The following MAPK9 variants were observed in gnomAD, a reference collection of about 807,000 sequenced individuals.
MAPK9 encodes mitogen-activated protein kinase 9.
MAPK9 carries 30 observed loss-of-function variants against 57.1 expected under a neutral mutation model. That is an observed-to-expected ratio of 0.53 (90% CI 0.39 to 0.71). The LOEUF is 0.71. Ranked by LOEUF, MAPK9 falls within the 30% of genes least tolerant of loss-of-function variation. The pLI is 0.00. For missense variants in MAPK9, 362 were observed against 521.0 expected (o/e 0.69, Z 2.97); for synonymous variants, 155 against 177.0 (o/e 0.88, Z 0.99).
chr5:180,254,327 G>A (rs1759039841), intron 5 of MAPK9, among the ~76,000 whole-genome samples: 1 of 152,164 alleles, frequency 6.6e-6, no homozygotes, highest in South Asian at 2.1e-4. Context: ...GCGTGTGACA[G>A]GGAGGGACCT....
At chr5:180,257,113 T>G (rs1759369035) in intron 5 of MAPK9, among the ~76,000 whole-genome samples, 1 of 152,170 alleles carries the variant, frequency 6.6e-6, no homozygotes, top group African/African-American at 2.4e-5. Context: ...TAAAAAACAG[T>G]ACACTAGATG....
chr5:180,261,950 G>A, intron 4 of MAPK9, 128 bp from the exon 5 acceptor site: 2 of 687,266 alleles, frequency 2.9e-6, no homozygotes, highest in Non-Finnish European at 4.4e-6. Context: ...TTGGTATAAT[G>A]GAACTTTCTA....
In MAPK9 at chr5:180,284,782, TACA is replaced by T. The variant is rs1032512042; in HGVS notation, c.-47-4177_-47-4175del. Reference sequence around the variant, plus strand: ...GACTGAATAAATTATGGCACAGAAGTACAACAAGGCCATTCAACAGAATGCAAG... The same window carrying T: ...GACTGAATAAATTATGGCACAGAAGTACAAGGCCATTCAACAGAATGCAAG... On this transcript the variant is annotated intron_variant, in intron 1 of 11. Transcript: ENST00000452135. Among the ~76,000 whole-genome samples, 5 of 152,138 alleles carry T rather than the reference TACA, an allele frequency of 3.3e-5. No homozygotes were observed. The South Asian group carries it at 6.2e-4, about 19-fold the overall frequency.
intron 5 of MAPK9, among the ~76,000 whole-genome samples, chr5:180,253,829 G>A (rs931789213): frequency 6.6e-6 from 1 of 152,178 alleles, no homozygotes; most frequent in South Asian, 2.1e-4. Context: ...CTTTTCCAGA[G>A]AAATTAAATG....
chr5:180,291,062 G>A (rs1222342983), intron 1 of MAPK9, among the ~76,000 whole-genome samples: 4 of 152,216 alleles, frequency 2.6e-5, no homozygotes, highest in Non-Finnish European at 5.9e-5. Flanking sequence ...CTGACCAGAG[G>A]AAGGAGCAGA....
intron 3 of MAPK9, among the ~76,000 whole-genome samples, chr5:180,268,155 T>C (rs1157539236): frequency 1.3e-5 from 2 of 152,150 alleles, no homozygotes; most frequent in Non-Finnish European, 2.9e-5. Context: ...ATGGCAACGT[T>C]ATCAACATAA....
rs1757067183 is a variant in MAPK9 at position 180,234,758 on chromosome 5, A to AT, written c.*1625_*1626insA. On this transcript the variant is annotated 3_prime_UTR_variant, in exon 12 of 12. Transcript: ENST00000452135. Reference sequence around the variant, plus strand: ...TGTCCAAATGACACAATATAAAAGAACTATTTCTTATTTCAATATTAATTT... The same window carrying AT: ...TGTCCAAATGACACAATATAAAAGAATCTATTTCTTATTTCAATATTAATTT... 6.6e-6 allele frequency: 1 copy of AT among 152,216 alleles called. No homozygotes were observed. The highest frequency in any genetic ancestry group is 6.5e-5 in the Admixed American group (1 of 15,286). 9.4% of individuals were successfully genotyped at this position (152,216 alleles called of 1,614,324 possible). A position where few individuals can be genotyped will look rare whatever the true frequency, so the allele number is the denominator to read the frequency against.
intron 1 of MAPK9, among the ~76,000 whole-genome samples, chr5:180,286,510 C>T (rs753471964): frequency 6.6e-6 from 1 of 151,776 alleles, no homozygotes; most frequent in East Asian, 2.0e-4. Context: ...TAATCAAGAA[C>T]CTTGCAGCTC....
chr5:180,242,554 G>GAAA lies in MAPK9; in HGVS notation c.871+16_871+18dup, dbSNP rs755516642. 6.3e-7 allele frequency: 1 copy of GAAA among 1,592,430 alleles called. No individual in the cohort carries two copies. The highest frequency in any genetic ancestry group is 8.6e-7 in the Non-Finnish European group (1 of 1,165,604). ...CCTGAATTACAAAACACAAGTATAA[G>GAAA]AAAAAAAGGATATCTTACTTTTTAT... On this transcript the variant is annotated intron_variant, in intron 8 of 11. Coordinates refer to ENST00000452135, the MANE Select transcript of MAPK9 (RefSeq NM_002752.5).
intron 5 of MAPK9, chr5:180,258,145 T>C (rs996346541): frequency 6.6e-6 from 1 of 152,232 alleles, no homozygotes; most frequent in Admixed American, 6.5e-5. Flanking sequence ...ACCCTGTGAA[T>C]GGAAGAAAGG....
chr5:180,248,545 C>T (rs1156612690), intron 6 of MAPK9, among the ~76,000 whole-genome samples: 1 of 152,166 alleles, frequency 6.6e-6, no homozygotes, highest in Admixed American at 6.5e-5. Flanking sequence ...ATTCTATTTA[C>T]ATCAAATTCA....
chr5:180,250,556 G>A (rs1758566168), intron 5 of MAPK9, among the ~76,000 whole-genome samples: 1 of 152,134 alleles, frequency 6.6e-6, no homozygotes, highest in African/African-American at 2.4e-5. Flanking sequence ...CCCAACTGAT[G>A]GGCCACAAGG....
intron 1 of MAPK9, among the ~76,000 whole-genome samples, chr5:180,291,207 G>A (rs1175121028): frequency 2.0e-5 from 3 of 152,116 alleles, no homozygotes; most frequent in Non-Finnish European, 4.4e-5. Context: ...AGTCTTCTGG[G>A]GGAGGGGCGC....
At position 180,247,841 on chromosome 5, in the gene MAPK9, C is replaced by T; in HGVS notation, c.617-331G>A. On this transcript the variant is annotated intron_variant, in intron 6 of 11. Coordinates refer to ENST00000452135, the MANE Select transcript of MAPK9 (RefSeq NM_002752.5). This position sits in a 1 kb window ranked among gnomAD's most constrained non-coding sequence, Gnocchi z 4.5. ...GCCTCCATGGCCAAGTACCGGGTCC[C>T]CTGTGAAGGATACAGTCTCTTCCCG... 1 of 1,613,998 alleles carries T rather than the reference C, an allele frequency of 6.2e-7. No homozygotes were observed.
chr5:180,279,185 T>C (rs1269177605), intron 2 of MAPK9, among the ~76,000 whole-genome samples: 1 of 152,166 alleles, frequency 6.6e-6, no homozygotes, highest in Non-Finnish European at 1.5e-5. Flanking sequence ...CTCGATCTCT[T>C]GACCTCGTGA....
chr5:180,273,082 G>A (rs528588283), intron 2 of MAPK9, among the ~76,000 whole-genome samples: 2 of 152,280 alleles, frequency 1.3e-5, no homozygotes, highest in East Asian at 1.9e-4. Flanking sequence ...TAACCATTCT[G>A]CTGAGTGTGG....
At chr5:180,252,180 T>C (rs1174362130) in intron 5 of MAPK9, among the ~76,000 whole-genome samples, 1 of 152,080 alleles carries the variant, frequency 6.6e-6, no homozygotes, top group Non-Finnish European at 1.5e-5. Flanking sequence ...AGCAAAGGCT[T>C]AGAGCAAGGC....
At chr5:180,280,682 C>T in intron 1 of MAPK9, 74 bp from the exon 2 acceptor site, 1 of 1,206,910 alleles carries the variant, frequency 8.3e-7, no homozygotes, top group Non-Finnish European at 1.1e-6. Context: ...GAGTTCTGAA[C>T]TTATTGGTAT....
intron 10 of MAPK9, 27 bp downstream of exon 10, chr5:180,239,897 A>G: frequency 6.3e-7 from 1 of 1,597,702 alleles, no homozygotes; most frequent in Non-Finnish European, 8.6e-7. Flanking sequence ...TGTCAAAAGG[A>G]AGGATCAAAA....
Sources: allele counts gnomAD v4.1 joint callset (sites outside exome capture counted in the v4.1 genomes callset), GRCh38; gene constraint gnomAD v4.1.1; non-coding constraint Gnocchi (gnomAD v3.1); transcripts MANE v1.5; gene names NCBI Gene and HGNC (gene_info 2026-07-23, HGNC 2026-07-21).